RFX6: variants seen among roughly 807,000 people sequenced by gnomAD.
RFX6 encodes the protein regulatory factor X6.
A neutral mutation model predicts 110.8 loss-of-function variants in RFX6; 50 were observed. The ratio of observed to expected loss-of-function variants is 0.45; its 90% CI spans 0.36 to 0.57. The LOEUF (loss-of-function observed/expected upper bound fraction) is 0.57, where lower values mean the gene tolerates loss of function less well. RFX6 is among the 20% of genes least tolerant of loss of function. The probability of loss-of-function intolerance (pLI) is 0.00; values close to 1 mark genes in which losing one functional copy is unlikely to be tolerated. For missense variants in RFX6, 990 were observed against 1,127.0 expected, an observed-to-expected ratio of 0.88 and a Z score of 1.74; for synonymous variants, 383 against 411.2, an observed-to-expected ratio of 0.93 and a Z score of 0.83.
intron 6 of RFX6, among the ~76,000 whole-genome samples, chr6:116,899,220 C>T (rs1361759837): frequency 2.0e-5 from 3 of 151,914 alleles, no homozygotes; most frequent in Non-Finnish European, 4.4e-5. Context: ...AAATGACATA[C>T]CATGTGCCTG....
chr6:116,894,673 A>T (rs1296922218), intron 5 of RFX6, among the ~76,000 whole-genome samples: 1 of 152,090 alleles, frequency 6.6e-6, no homozygotes, highest in Non-Finnish European at 1.5e-5. Context: ...CACATCATTC[A>T]TTTTTTAAAC....
chr6:116,921,766 T>A (rs1289751816), intron 12 of RFX6, among the ~76,000 whole-genome samples: 2 of 151,512 alleles, frequency 1.3e-5, no homozygotes, highest in Non-Finnish European at 2.9e-5. Flanking sequence ...GAGGCTGCAG[T>A]AAGCCATGAT....
chr6:116,925,557 G>C lies in RFX6; in HGVS notation c.1783G>C (p.Val595Leu). The stretch of plus-strand genomic sequence containing the variant: ...CGACGCTGTGAAGAATGAAAGCCAC[G>C]TGGAGACAACCTATCTCCCTCTGCC... Reference protein sequence around the residue: ...SSDAVKNESHVETTYLPLPSS... With the variant: ...SSDAVKNESHLETTYLPLPSS... Residue 595 changes from valine to leucine, a missense_variant, in exon 16 of 19, where the codon GTG becomes CTG. Physicochemically the swap from Val to Leu is conservative, Grantham distance 32. Coordinates refer to ENST00000332958, the MANE Select transcript of RFX6 (RefSeq NM_173560.4). 3.7e-6 allele frequency: 6 copies of C among 1,613,660 alleles called. No individual in the cohort carries two copies. Among genetic ancestry groups the C allele is most frequent in the Non-Finnish European group, 5.1e-6 (6 of 1,179,556 alleles).
Position 116,931,549 on chromosome 6 carries a change from T to G in RFX6, c.*43T>G, listed in dbSNP as rs147198174. 1.9e-5 allele frequency: 26 copies of G among 1,374,546 alleles called. No individual in the cohort carries two copies. In the East Asian group the frequency reaches 6.1e-4, roughly 32 times the overall value. 85.1% of individuals were successfully genotyped at this position (1,374,546 alleles called of 1,614,324 possible). On this transcript the variant is annotated 3_prime_UTR_variant, in exon 19 of 19. Coordinates refer to ENST00000332958, the MANE Select transcript of RFX6 (RefSeq NM_173560.4). ...GGGTGCTAAAACTTTAAAAAAAATC[T>G]CTACTGTGCAAATATCATTATTCAC...
chr6:116,911,422 A>T (rs1461025668), intron 7 of RFX6, among the ~76,000 whole-genome samples: 1 of 152,136 alleles, frequency 6.6e-6, no homozygotes, highest in Non-Finnish European at 1.5e-5. Flanking sequence ...TTTCTCTAGG[A>T]CAGAATCTGT....
chr6:116,878,385 T>C (rs926621498), intron 2 of RFX6, among the ~76,000 whole-genome samples: 3 of 152,118 alleles, frequency 2.0e-5, no homozygotes, highest in Non-Finnish European at 4.4e-5. Flanking sequence ...AAATTAAAAA[T>C]AGTGTATACT....
chr6:116,891,240 G>GT (rs1774825643), intron 4 of RFX6, among the ~76,000 whole-genome samples: 1 of 152,162 alleles, frequency 6.6e-6, no homozygotes, highest in African/African-American at 2.4e-5. Flanking sequence ...TCAGGGCACA[G>GT]TATCTGCTCT....
At chr6:116,882,537 G>T in intron 4 of RFX6, 109 bp downstream of exon 4, 1 of 742,122 alleles carries the variant, frequency 1.3e-6, no homozygotes, top group Admixed American at 2.0e-5. Context: ...GTATTCTCTT[G>T]ATGAAGCAGA....
At chr6:116,900,285 T>C (rs1440471872) in intron 6 of RFX6, among the ~76,000 whole-genome samples, 2 of 152,186 alleles carry the variant, frequency 1.3e-5, no homozygotes, top group Non-Finnish European at 2.9e-5. Flanking sequence ...AGATGGAGTC[T>C]TGCTCTGTCA....
chr6:116,930,493 G>A (rs566451704), intron 18 of RFX6, among the ~76,000 whole-genome samples: 2 of 152,246 alleles, frequency 1.3e-5, no homozygotes, highest in East Asian at 3.9e-4. Flanking sequence ...AAATACATGA[G>A]CAAATGCATT....
intron 4 of RFX6, among the ~76,000 whole-genome samples, chr6:116,886,756 A>G (rs1774707131): frequency 6.6e-6 from 1 of 152,178 alleles, no homozygotes; most frequent in East Asian, 1.9e-4. Flanking sequence ...AATATTTAAA[A>G]CAGATATATT....
At chr6:116,927,902 C>T (rs1775784099) in intron 17 of RFX6, among the ~76,000 whole-genome samples, 1 of 151,674 alleles carries the variant, frequency 6.6e-6, no homozygotes, top group African/African-American at 2.4e-5. Flanking sequence ...ATCACCATCC[C>T]TGTCTATATT....
Position 116,916,205 on chromosome 6 carries a change from A to C in RFX6, c.863A>C (p.Gln288Pro). ...TACTTTTTACTCTGCAACTAGATCC[A>C]GCATTTTTTATTACACTTTTGGCAA... ...NAINGNFEEI[Q>P]HFLLHFWQGM... The change falls in exon 9 of 19, where the codon CAG becomes CCG. Residue 288 changes from glutamine (Q) to proline (P), a missense_variant. Physicochemically the swap from Gln to Pro is moderately conservative, Grantham distance 76. Around this residue, in one of 5 missense-constraint regions of RFX6, gnomAD observed 243 missense variants for 353.1 expected, o/e 0.69. Coordinates refer to ENST00000332958, the MANE Select transcript of RFX6 (RefSeq NM_173560.4). The C allele has an allele frequency of 6.2e-7, 1 of 1,611,374 alleles. No individual in the cohort carries two copies. The highest frequency in any genetic ancestry group is 8.5e-7 in the Non-Finnish European group (1 of 1,177,800).
chr6:116,927,037 G>A lies in RFX6; in HGVS notation c.1896G>A (p.Glu632=), dbSNP rs1775753082. ...TDNMPLTGQM[E]LSQIAGHLMT... ...GGTGATTTTTTCCAGGTCAAATGGA[G>A]CTTTCACAGATTGCTGGTCATCTGA... The change falls in exon 17 of 19, where the codon GAG becomes GAA. Residue 632 remains glutamate, a synonymous_variant. Coordinates refer to ENST00000332958, the MANE Select transcript of RFX6 (RefSeq NM_173560.4). 1.2e-6 allele frequency: 2 copies of A among 1,613,942 alleles called. No individual in the cohort carries two copies. The highest frequency in any genetic ancestry group is 1.7e-6 in the Non-Finnish European group (2 of 1,179,850).
rs1192927336 is a variant in RFX6 at position 116,920,463 on chromosome 6, AT to A, written c.1327+11del. 1 of 1,611,872 alleles carries A rather than the reference AT, an allele frequency of 6.2e-7. No individual in the cohort carries two copies. The highest frequency in any genetic ancestry group is 1.1e-5 in the South Asian group (1 of 91,052). On this transcript the variant is annotated intron_variant, in intron 12 of 18. Coordinates refer to ENST00000332958, the MANE Select transcript of RFX6 (RefSeq NM_173560.4). ...TGGTATCTACACTGAACGTAAGTCC[AT>A]TCTCTTTGTTTAGAACAAGGTTTTC...
intron 9 of RFX6, among the ~76,000 whole-genome samples, chr6:116,917,199 A>G (rs527810412): frequency 1.3e-5 from 2 of 152,230 alleles, no homozygotes; most frequent in Admixed American, 6.6e-5. Context: ...AACTTGAATA[A>G]GAGAGTGCAT....
rs75641396 is a variant in RFX6, at chr6:116,887,295, T to C, written c.566+4867T>C. ...AACATGAGGGGTCAGGAAGCGTCAC[T>C]CTAGGGCACCTAACAAGTGTGCTTT... is the stretch of plus-strand genomic sequence containing the variant. On this transcript the variant is annotated intron_variant, in intron 4 of 18. Transcript: ENST00000332958. Among the ~76,000 whole-genome samples the C allele has an allele frequency of 1.3e-3, 204 of 152,118 alleles. 1 individual carries two copies. Among genetic ancestry groups the C allele is most frequent in the East Asian group, 7.4e-3 (38 of 5,154 alleles).
intron 7 of RFX6, among the ~76,000 whole-genome samples, chr6:116,914,587 G>T (rs1400330810): frequency 6.6e-6 from 1 of 152,140 alleles, no homozygotes; most frequent in African/African-American, 2.4e-5. Context: ...TGCATTGATG[G>T]TAACATATCC....
chr6:116,896,036 T>A (rs1178457518), intron 6 of RFX6, among the ~76,000 whole-genome samples: 1 of 152,232 alleles, frequency 6.6e-6, no homozygotes, highest in Non-Finnish European at 1.5e-5. Context: ...TCCTCCAGAT[T>A]GCTCTTTTTA....
Sources: allele counts gnomAD v4.1 joint callset (sites outside exome capture counted in the v4.1 genomes callset), GRCh38; gene constraint gnomAD v4.1.1; regional missense constraint gnomAD v4.1.1; transcripts MANE v1.5; gene names NCBI Gene and HGNC (gene_info 2026-07-23, HGNC 2026-07-21).